SCAPER: variants seen among roughly 807,000 people sequenced by gnomAD.
SCAPER encodes S-phase cyclin A associated protein in the ER, also known as S phase cyclin A-associated protein in the endoplasmic reticulum.
A neutral mutation model predicts 182.2 loss-of-function variants in SCAPER; 98 were observed. That is an observed-to-expected ratio of 0.54 (90% CI 0.46 to 0.64). The LOEUF (loss-of-function observed/expected upper bound fraction) is 0.64. SCAPER is among the 30% of genes least tolerant of loss of function. SCAPER has a pLI of 0.00. For synonymous variants in SCAPER, 605 were observed against 564.6 expected (o/e 1.07, Z -1.01); for missense variants, 1,432 against 1,690.0 (o/e 0.85, Z 2.68).
At chr15:76,779,109 A>G (rs544631868) in intron 8 of SCAPER, among the ~76,000 whole-genome samples, 3 of 152,224 alleles carry the variant, frequency 2.0e-5, no homozygotes, top group Admixed American at 1.3e-4. Context: ...CTGAAGATAC[A>G]TTGTGGAAAA....
At chr15:76,516,737 G>T (rs1383893035) in intron 23 of SCAPER, among the ~76,000 whole-genome samples, 2 of 152,152 alleles carry the variant, frequency 1.3e-5, no homozygotes, top group African/African-American at 4.8e-5. Flanking sequence ...CCCAGTAATG[G>T]GATTGCTGGT....
intron 5 of SCAPER, among the ~76,000 whole-genome samples, chr15:76,824,939 T>A (rs141170861): frequency 6.7e-4 from 102 of 152,318 alleles, no homozygotes; most frequent in African/African-American, 2.3e-3. Flanking sequence ...TCAATTTTTA[T>A]CTCAACTCAC....
intron 23 of SCAPER, among the ~76,000 whole-genome samples, chr15:76,534,536 T>A (rs191939149): frequency 6.6e-6 from 1 of 152,176 alleles, no homozygotes. Flanking sequence ...CAAATAGAAA[T>A]CTGTTAACTT....
intron 2 of SCAPER, among the ~76,000 whole-genome samples, chr15:76,863,992 T>G (rs1362957354): frequency 6.6e-6 from 1 of 152,052 alleles, no homozygotes; most frequent in Non-Finnish European, 1.5e-5. Context: ...ACTGTGTGAG[T>G]GAGCCATTTT....
intron 24 of SCAPER, among the ~76,000 whole-genome samples, chr15:76,478,427 A>C (rs780542338): frequency 9.2e-5 from 14 of 151,986 alleles, no homozygotes; most frequent in Non-Finnish European, 1.6e-4. Context: ...GTAGTCTAAC[A>C]ATTTTTGTAG....
At chr15:76,652,365 CACACACATAT>C (rs1222278472) in intron 21 of SCAPER, among the ~76,000 whole-genome samples, 10 of 27,638 alleles carry the variant, frequency 3.6e-4, no homozygotes, top group African/African-American at 1.9e-3. Flanking sequence ...CACACACACA[CACACACATAT>C]ATATATATAT....
intron 26 of SCAPER, among the ~76,000 whole-genome samples, chr15:76,414,080 G>A (rs138149469): frequency 1.3e-5 from 2 of 152,066 alleles, no homozygotes; most frequent in East Asian, 3.9e-4. Flanking sequence ...GAATTTAATT[G>A]CTACATTTAT....
At chr15:76,351,808 T>G (rs560283606) in intron 30 of SCAPER, among the ~76,000 whole-genome samples, 9 of 152,354 alleles carry the variant, frequency 5.9e-5, no homozygotes, top group Non-Finnish European at 1.3e-4. Flanking sequence ...CATTATAAAC[T>G]AAAATCCTAT....
chr15:76,582,312 A>G (rs2048328748), intron 22 of SCAPER, among the ~76,000 whole-genome samples: 1 of 152,240 alleles, frequency 6.6e-6, no homozygotes, highest in South Asian at 2.1e-4. Context: ...ACATCCTGAC[A>G]GCAAACAATC....
chr15:76,501,744 G>C (rs1016188170), intron 24 of SCAPER, among the ~76,000 whole-genome samples: 2 of 152,336 alleles, frequency 1.3e-5, no homozygotes, highest in East Asian at 3.9e-4. Context: ...TGGAGTTGAG[G>C]GGTGGGAACC....
rs1597142873 is a variant in SCAPER at position 76,516,010 on chromosome 15, G to C, written c.2839-11036C>G. 2.0e-5 allele frequency among the ~76,000 whole-genome samples: 3 copies of C among 152,064 alleles called. No individual in the cohort carries two copies. The South Asian group carries it at 6.2e-4, about 32-fold the overall frequency. ...GTCCTTGTCTGTGCTGACAGAGAAG[G>C]CAGGCCCTACTGTTAGGCCTGCCTG... On this transcript the variant is annotated intron_variant, in intron 23 of 31. Coordinates refer to ENST00000563290, the MANE Select transcript of SCAPER (RefSeq NM_020843.4).
intron 22 of SCAPER, among the ~76,000 whole-genome samples, chr15:76,578,675 T>C (rs1452960992): frequency 6.6e-6 from 1 of 152,234 alleles, no homozygotes; most frequent in Non-Finnish European, 1.5e-5. Context: ...CAAATGCAGA[T>C]ATAACTGCAG....
intron 20 of SCAPER, among the ~76,000 whole-genome samples, chr15:76,692,856 G>A (rs1345335360): frequency 6.6e-6 from 1 of 151,260 alleles, no homozygotes; most frequent in Non-Finnish European, 1.5e-5. Context: ...CAATAGACAA[G>A]ATCAATAAAA....
intron 20 of SCAPER, among the ~76,000 whole-genome samples, chr15:76,688,875 G>A (rs1252507219): frequency 7.6e-6 from 1 of 131,314 alleles, no homozygotes; most frequent in African/African-American, 2.8e-5. Flanking sequence ...TTGAGACAGA[G>A]TCTTGCTCTG....
intron 8 of SCAPER, among the ~76,000 whole-genome samples, chr15:76,787,030 C>A (rs2064661245): frequency 6.6e-6 from 1 of 152,124 alleles, no homozygotes; most frequent in African/African-American, 2.4e-5. Context: ...CTGCAAGATT[C>A]AGCATAGTAA....
At chr15:76,587,122 T>A (rs543212450) in intron 22 of SCAPER, among the ~76,000 whole-genome samples, 1 of 152,178 alleles carries the variant, frequency 6.6e-6, no homozygotes, top group Non-Finnish European at 1.5e-5. Flanking sequence ...CCTTGAATGA[T>A]CTTTTGTATT....
In SCAPER at chr15:76,753,850, C is replaced by T. The variant is rs1044788401; in HGVS notation, c.1824G>A (p.Gln608=). 5 of 1,612,950 alleles carry T rather than the reference C, an allele frequency of 3.1e-6. No individual in the cohort carries two copies. The highest frequency in any genetic ancestry group is 3.4e-6 in the Non-Finnish European group (4 of 1,179,294). The change falls in exon 15 of 32, where the codon CAG becomes CAA. Residue 608 remains glutamine (Q), a synonymous_variant. Coordinates refer to ENST00000563290, the MANE Select transcript of SCAPER (RefSeq NM_020843.4). ...GTGCTTTTTTCACAATTGCTTGTAA[C>T]TGCACTTCTCGCTTAAACTCAGCAT... The part of the protein sequence containing the change: ...LLHAEFKREV[Q]LQAIVKKAQE...
At chr15:76,386,308 C>G (rs2043283628) in intron 27 of SCAPER, among the ~76,000 whole-genome samples, 1 of 152,142 alleles carries the variant, frequency 6.6e-6, no homozygotes, top group Admixed American at 6.6e-5. Context: ...AATATAGATA[C>G]TATTGTAGGA....
At chr15:76,725,134 G>T (rs1426681677) in intron 17 of SCAPER, among the ~76,000 whole-genome samples, 2 of 151,990 alleles carry the variant, frequency 1.3e-5, no homozygotes, top group African/African-American at 4.8e-5. Context: ...GCACTTAAGA[G>T]ATTCTATTTA....
Sources: allele counts gnomAD v4.1 joint callset (sites outside exome capture counted in the v4.1 genomes callset), GRCh38; gene constraint gnomAD v4.1.1; transcripts MANE v1.5; gene names NCBI Gene and HGNC (gene_info 2026-07-23, HGNC 2026-07-21).